Variants in PUM2 observed in about 807,000 individuals in gnomAD.
PUM2 encodes pumilio homolog 2.
Under a neutral mutation model 124.5 loss-of-function variants are expected in PUM2, and 57 were observed. The observed-to-expected ratio is 0.46, with a 90% CI of 0.37 to 0.57. The LOEUF (loss-of-function observed/expected upper bound fraction) is 0.57, where lower values mean the gene tolerates loss of function less well. Ranked by LOEUF, PUM2 falls within the 20% of genes least tolerant of loss-of-function variation. The pLI is 0.00. For synonymous variants in PUM2, 460 were observed against 446.1 expected (o/e 1.03, Z -0.39); for missense variants, 1,065 against 1,290.6 (o/e 0.83, Z 2.68).
intron 13 of PUM2, among the ~76,000 whole-genome samples, chr2:20,269,442 C>A (rs1339768060): frequency 6.6e-6 from 1 of 152,070 alleles, no homozygotes; most frequent in Non-Finnish European, 1.5e-5. Context: ...ACCTCGTGAT[C>A]CACCTGCCTT....
chr2:20,260,583 T>C (rs1665938050), intron 14 of PUM2, 117 bp from the exon 15 acceptor site: 2 of 887,090 alleles, frequency 2.3e-6, no homozygotes, highest in Middle Eastern at 3.7e-4. Context: ...CCATACTTTA[T>C]ATAGTAGACA....
rs1193567459 is a variant in PUM2 at position 20,350,519 on chromosome 2, G to A, written c.-19+78C>T. Reference sequence around the variant, plus strand: ...CCCGCTGGCGATCGGCTCCCGCCGAGGCCGCCGCACAAAGCCTGGGGAGCC... The same window carrying A: ...CCCGCTGGCGATCGGCTCCCGCCGAAGCCGCCGCACAAAGCCTGGGGAGCC... On this transcript the variant is annotated intron_variant, in intron 1 of 20. Transcript: ENST00000361078. 4 of 985,574 alleles carry A rather than the reference G, an allele frequency of 4.1e-6. No homozygotes were observed. In the African/African-American group the frequency reaches 7.0e-5, roughly 17 times the overall value. The allele number at this position is 985,574 out of a possible 1,614,324, so 61.1% of individuals were successfully genotyped here.
chr2:20,273,617 CA>C (rs1254739882), intron 13 of PUM2, among the ~76,000 whole-genome samples: 1 of 152,088 alleles, frequency 6.6e-6, no homozygotes, highest in Non-Finnish European at 1.5e-5. Flanking sequence ...GTAATTTCTT[CA>C]AAACATTATT....
intron 5 of PUM2, among the ~76,000 whole-genome samples, chr2:20,309,315 G>A (rs1034789427): frequency 1.3e-5 from 2 of 151,422 alleles, no homozygotes. Flanking sequence ...AAAGCCCTCC[G>A]AAGACCATGC....
chr2:20,274,577 T>A (rs1428429487), intron 13 of PUM2, among the ~76,000 whole-genome samples: 1 of 152,104 alleles, frequency 6.6e-6, no homozygotes, highest in African/African-American at 2.4e-5. Context: ...ACCTGCTGAA[T>A]ACATGACATT....
intron 7 of PUM2, among the ~76,000 whole-genome samples, chr2:20,305,463 G>GAAAAAAAA (rs67834545): frequency 6.5e-5 from 3 of 46,154 alleles, no homozygotes; most frequent in African/African-American, 9.6e-5. Context: ...CCCTGTCTTC[G>GAAAAAAAA]AAAAAAAAAA....
chr2:20,332,851 G>A (rs1191795892), intron 1 of PUM2: 1 of 152,122 alleles, frequency 6.6e-6, no homozygotes, highest in Non-Finnish European at 1.5e-5. Context: ...AATGTATTCA[G>A]GAGTATGGCA....
chr2:20,344,429 A>G (rs1687820814), intron 1 of PUM2, among the ~76,000 whole-genome samples: 1 of 152,176 alleles, frequency 6.6e-6, no homozygotes, highest in Non-Finnish European at 1.5e-5. Flanking sequence ...CTAACTACAC[A>G]GTAATTCTCT....
At position 20,308,523 on chromosome 2, in the gene PUM2, T is replaced by G; in HGVS notation, c.580A>C (p.Thr194Pro). 1.9e-6 allele frequency: 3 copies of G among 1,614,006 alleles called. No homozygotes were observed. Among genetic ancestry groups the G allele is most frequent in the Non-Finnish European group, 2.5e-6 (3 of 1,179,888 alleles). ...GGCCCCAGTCCTTCTGAGGGATTAGTATTGGGGCCCAAGCGCTCAACTACT... is the reference window on the plus strand; with the variant it reads ...GGCCCCAGTCCTTCTGAGGGATTAGGATTGGGGCCCAAGCGCTCAACTACT... ...TEVVERLGPN[T>P]NPSEGLGPLP... Residue 194 changes from threonine (T) to proline (P), a missense_variant, in exon 6 of 21, where the codon ACT becomes CCT. This residue lies in a region of PUM2 where 968 missense variants were observed against 1,159.8 expected (regional missense o/e 0.83). Coordinates refer to ENST00000361078, the MANE Select transcript of PUM2 (RefSeq NM_015317.5).
chr2:20,350,294 G>C (rs938551163), intron 1 of PUM2: 1 of 220,936 alleles, frequency 4.5e-6, no homozygotes, highest in Non-Finnish European at 7.6e-6. Context: ...CCTCCAGCGC[G>C]CCGAATCGGA....
In PUM2 at chr2:20,279,085, C is replaced by T. The variant is rs549245320; in HGVS notation, c.1721-266G>A. ...TATTTACCACTGACACATCTGATTA[C>T]TGTGCTTTAATACCCTGGTATGATT... On this transcript the variant is annotated intron_variant, in intron 12 of 20. Transcript: ENST00000361078. Among the ~76,000 whole-genome samples the T allele has an allele frequency of 9.9e-5, 15 of 152,208 alleles. No homozygotes were observed. In the South Asian group the frequency reaches 3.1e-3, roughly 32 times the overall value.
Position 20,251,723 on chromosome 2 carries a change from A to C in PUM2, c.3064-7T>G. 1 of 1,612,028 alleles carries C rather than the reference A, an allele frequency of 6.2e-7. No individual in the cohort carries two copies. The highest frequency in any genetic ancestry group is 8.5e-7 in the Non-Finnish European group (1 of 1,178,886). On this transcript the variant is annotated splice_polypyrimidine_tract_variant and splice_region_variant and intron_variant, in intron 20 of 20. Coordinates refer to ENST00000361078, the MANE Select transcript of PUM2 (RefSeq NM_015317.5). ...TAGTAATGTGAGGTCGAATCTGAAA[A>C]ACAAATAATCTGCTTAGAAAATCTA...
rs779102975 is a variant in PUM2, at chr2:20,282,987, A to T, written c.1680T>A (p.Gly560=). 6.2e-7 allele frequency: 1 copy of T among 1,614,124 alleles called. No homozygotes were observed. Among genetic ancestry groups the T allele is most frequent in the Non-Finnish European group, 8.5e-7 (1 of 1,180,020 alleles). ...CACTGAGGGCTGAGCCTATAGCAGC[A>T]CCCAAAGAGTTACCACTTCCAAAGC... ...SLGFGSGNSL[G]AAIGSALSGF... Residue 560 remains glycine (G), a synonymous_variant, in exon 12 of 21, where the codon GGT becomes GGA. Coordinates refer to ENST00000361078, the MANE Select transcript of PUM2 (RefSeq NM_015317.5).
At chr2:20,340,261 C>T (rs1686973092) in intron 1 of PUM2, among the ~76,000 whole-genome samples, 1 of 152,162 alleles carries the variant, frequency 6.6e-6, no homozygotes, top group East Asian at 1.9e-4. Context: ...CTATAGAATG[C>T]TACGTTTCAC....
intron 14 of PUM2, among the ~76,000 whole-genome samples, chr2:20,260,726 G>C (rs1419839249): frequency 3.3e-5 from 5 of 152,144 alleles, no homozygotes; most frequent in African/African-American, 1.2e-4. Flanking sequence ...TAATCAATAA[G>C]AAAATTACGT....
At chr2:20,339,351 A>G (rs1398166554) in intron 1 of PUM2, among the ~76,000 whole-genome samples, 1 of 152,108 alleles carries the variant, frequency 6.6e-6, no homozygotes, top group Admixed American at 6.5e-5. Flanking sequence ...AAGAGAAAAA[A>G]AAAAAAAGTA....
At chr2:20,321,682 TAGG>T (rs1327490876) in intron 2 of PUM2, among the ~76,000 whole-genome samples, 1 of 152,086 alleles carries the variant, frequency 6.6e-6, no homozygotes, top group African/African-American at 2.4e-5. Context: ...GCAATAAAAA[TAGG>T]AGATTTGCCC....
chr2:20,309,429 TAAA>T (rs781176010), intron 5 of PUM2, among the ~76,000 whole-genome samples: 5 of 139,736 alleles, frequency 3.6e-5, no homozygotes, highest in Admixed American at 7.2e-5. Flanking sequence ...CTTTCTACAT[TAAA>T]AAAAAAAAAA....
At chr2:20,347,975 G>T (rs1003920834) in intron 1 of PUM2, among the ~76,000 whole-genome samples, 2 of 152,110 alleles carry the variant, frequency 1.3e-5, no homozygotes, top group Non-Finnish European at 2.9e-5. Flanking sequence ...TCATCAAAGC[G>T]AAGTGAGGAG....
Sources: gnomAD v4.1 joint callset for allele counts (sites outside exome capture counted in the v4.1 genomes callset) on GRCh38, gnomAD v4.1.1 for gene constraint, gnomAD v4.1.1 regional missense constraint, MANE v1.5 for transcripts, NCBI Gene and HGNC (gene_info 2026-07-23, HGNC 2026-07-21) for gene names.